Variants in COL4A1 observed in about 807,000 individuals in gnomAD.
COL4A1 encodes collagen alpha-1(IV) chain.
Under a neutral mutation model 216.6 loss-of-function variants are expected in COL4A1, and 40 were observed. That is an observed-to-expected ratio of 0.18 (90% CI 0.14 to 0.24). The LOEUF is 0.24. COL4A1 is among the 10% of genes least tolerant of loss of function. The pLI, the probability that COL4A1 is intolerant of heterozygous loss-of-function variation, is 1.00. For synonymous variants in COL4A1, 839 were observed against 810.7 expected (o/e 1.03, Z -0.59); for missense variants, 1,628 against 2,196.8 (o/e 0.74, Z 5.18).
At chr13:110,264,335 T>C (rs1882942018) in intron 1 of COL4A1, among the ~76,000 whole-genome samples, 1 of 152,212 alleles carries the variant, frequency 6.6e-6, no homozygotes, top group Non-Finnish European at 1.5e-5. Flanking sequence ...CATTCTGTCC[T>C]CTGGAGTTAG....
intron 49 of COL4A1, among the ~76,000 whole-genome samples, chr13:110,157,837 T>C (rs1876859111): frequency 6.6e-6 from 1 of 152,140 alleles, no homozygotes; most frequent in Non-Finnish European, 1.5e-5. Flanking sequence ...GGTGTTTTAC[T>C]GAGAGGAATG....
chr13:110,286,919 T>C (rs1424478032), intron 1 of COL4A1, among the ~76,000 whole-genome samples: 1 of 152,244 alleles, frequency 6.6e-6, no homozygotes, highest in Admixed American at 6.5e-5. Context: ...AATTCCACTT[T>C]GCATTCTGCT....
chr13:110,161,147 T>C lies in COL4A1; in HGVS notation c.4640+45A>G, dbSNP rs184356478. 58 of 1,593,098 alleles carry C rather than the reference T, an allele frequency of 3.6e-5. No individual in the cohort carries two copies. The East Asian group carries it at 1.2e-3, about 32-fold the overall frequency. On this transcript the variant is annotated intron_variant, in intron 49 of 51. Transcript: ENST00000375820. ...CATATGCTTGTCCAGACTAGAGACT[T>C]TTCCTCTTCAATTTTGCATTTGTTC...
At position 110,213,907 on chromosome 13, in the gene COL4A1, A is replaced by G; in HGVS notation, c.234+19T>C. The G allele has an allele frequency of 6.2e-7, 1 of 1,612,968 alleles. No individual in the cohort carries two copies. Among genetic ancestry groups the G allele is most frequent in the Non-Finnish European group, 8.5e-7 (1 of 1,179,432 alleles). ...GCAATCTTACATCCACCCACCCCCA[A>G]TCCCACAGCCGTGCTTACCTTTTGT... On this transcript the variant is annotated intron_variant, in intron 3 of 51. Transcript: ENST00000375820.
intron 50 of COL4A1, among the ~76,000 whole-genome samples, chr13:110,155,001 G>A (rs1000628272): frequency 1.3e-5 from 2 of 152,236 alleles, no homozygotes; most frequent in Non-Finnish European, 2.9e-5. Context: ...GCAGCCACAG[G>A]GAAGCAGAGG....
intron 1 of COL4A1, among the ~76,000 whole-genome samples, chr13:110,255,497 C>A: frequency 1.5e-5 from 2 of 132,292 alleles, no homozygotes; most frequent in Middle Eastern, 3.8e-3. Context: ...GGAGGTTTCC[C>A]AATGAAAGAA....
intron 1 of COL4A1, among the ~76,000 whole-genome samples, chr13:110,290,468 C>A (rs1424668357): frequency 6.6e-6 from 1 of 152,186 alleles, no homozygotes; most frequent in African/African-American, 2.4e-5. Context: ...TCAAGATTCC[C>A]TTAAAAGGTT....
rs1276730020 is a variant in COL4A1, at chr13:110,151,698, G to A, written c.4928+636C>T. Among the ~76,000 whole-genome samples the A allele has an allele frequency of 2.0e-5, 3 of 152,320 alleles. No homozygotes were observed. In the East Asian group the frequency reaches 5.8e-4, roughly 29 times the overall value. On this transcript the variant is annotated intron_variant, in intron 51 of 51. Coordinates refer to ENST00000375820, the MANE Select transcript of COL4A1 (RefSeq NM_001845.6). ...TCAGCCTCCTGCATTGGCTCCAGCG[G>A]GGCTGCAGCTGGGGCTCGGGATAGA...
intron 1 of COL4A1, among the ~76,000 whole-genome samples, chr13:110,289,713 A>T (rs1293065738): frequency 6.6e-6 from 1 of 152,228 alleles, no homozygotes; most frequent in East Asian, 1.9e-4. Flanking sequence ...GAATACCCAC[A>T]GCCACCTTCA....
At chr13:110,163,986 T>TC (rs1021539700) in intron 46 of COL4A1, among the ~76,000 whole-genome samples, 2 of 52,594 alleles carry the variant, frequency 3.8e-5, no homozygotes, top group African/African-American at 1.7e-4. Flanking sequence ...CTCTCTCTCT[T>TC]TTTTTTTTTT....
chr13:110,295,839 T>C (rs762660889), intron 1 of COL4A1, among the ~76,000 whole-genome samples: 56 of 152,180 alleles, frequency 3.7e-4, no homozygotes, highest in Non-Finnish European at 6.9e-4. Context: ...TTTTCTACCA[T>C]GGAAAATGTC....
intron 21 of COL4A1, among the ~76,000 whole-genome samples, chr13:110,196,755 G>C (rs1878910496): frequency 6.6e-6 from 1 of 152,196 alleles, no homozygotes; most frequent in African/African-American, 2.4e-5. Context: ...AGATGGTTTA[G>C]AGCTGGCTGT....
intron 33 of COL4A1, 88 bp from the exon 34 acceptor site, chr13:110,177,125 A>C (rs1594551145): frequency 6.3e-7 from 1 of 1,588,022 alleles, no homozygotes; most frequent in South Asian, 1.1e-5. Context: ...CAGGGACAGC[A>C]GCTGGCAAAA....
intron 1 of COL4A1, among the ~76,000 whole-genome samples, chr13:110,248,375 CT>C (rs1881927882): frequency 0.017 from 1 of 60 alleles, no homozygotes; most frequent in Non-Finnish European, 0.05. Flanking sequence ...TAGCTGGGCC[CT>C]GGCCCCTGGC....
intron 12 of COL4A1, among the ~76,000 whole-genome samples, chr13:110,208,343 T>C (rs1208342814): frequency 6.6e-6 from 1 of 152,148 alleles, no homozygotes; most frequent in Non-Finnish European, 1.5e-5. Flanking sequence ...GAGAGGCCGG[T>C]GGTGCGGGGC....
chr13:110,307,079 G>T lies in COL4A1; in HGVS notation c.-52C>A. ...CGGCTGCCCGGCGTGCGGGGGCCGC[G>T]GCGGACAGCTAGCTCTCGGAAGGCC... is the stretch of plus-strand genomic sequence containing the variant. On this transcript the variant is annotated 5_prime_UTR_variant, in exon 1 of 52. Coordinates refer to ENST00000375820, the MANE Select transcript of COL4A1 (RefSeq NM_001845.6). The surrounding 1 kb of genome is among the most constrained non-coding windows in gnomAD (Gnocchi z 5.0). 7.3e-7 allele frequency: 1 copy of T among 1,361,304 alleles called. No individual in the cohort carries two copies. The highest frequency in any genetic ancestry group is 9.6e-7 in the Non-Finnish European group (1 of 1,043,846). 84.3% of individuals were successfully genotyped at this position (1,361,304 alleles called of 1,614,324 possible).
chr13:110,176,135 A>G (rs1877875306), intron 36 of COL4A1, among the ~76,000 whole-genome samples: 1 of 152,230 alleles, frequency 6.6e-6, no homozygotes, highest in African/African-American at 2.4e-5. Context: ...TCTCTTAGGG[A>G]GATCCTAGAC....
In COL4A1 at chr13:110,162,246, G is replaced by C. The variant is rs137870576; in HGVS notation, c.4446C>G (p.Ala1482=). 1 of 1,614,184 alleles carries C rather than the reference G, an allele frequency of 6.2e-7. No individual in the cohort carries two copies. The highest frequency in any genetic ancestry group is 1.7e-5 in the Admixed American group (1 of 60,030). The change falls in exon 48 of 52, where the codon GCC becomes GCG. Residue 1482 remains alanine (A), a synonymous_variant. Coordinates refer to ENST00000375820, the MANE Select transcript of COL4A1 (RefSeq NM_001845.6). ...GCTTCTTACCCAAGTCCTGGCCATGGGCCCGTTCATTGCCTTGCACGTAGA... is the reference window on the plus strand; with the variant it reads ...GCTTCTTACCCAAGTCCTGGCCATGCGCCCGTTCATTGCCTTGCACGTAGA... ...SLLYVQGNER[A]HGQDLGTAGS...
intron 50 of COL4A1, 29 bp from the exon 51 acceptor site, chr13:110,152,535 G>A (rs1005441467): frequency 2.5e-6 from 4 of 1,596,344 alleles, no homozygotes; most frequent in Non-Finnish European, 3.4e-6. Context: ...CCGTGAGTCA[G>A]AGGTTCCCTC....
Sources: gnomAD v4.1 joint callset for allele counts (sites outside exome capture counted in the v4.1 genomes callset) on GRCh38, gnomAD v4.1.1 for gene constraint, Gnocchi (gnomAD v3.1) non-coding constraint, MANE v1.5 for transcripts, NCBI Gene and HGNC (gene_info 2026-07-23, HGNC 2026-07-21) for gene names.